Variants in RALGAPA2 observed in about 807,000 individuals in gnomAD.
The protein encoded by RALGAPA2 is Ral GTPase activating protein catalytic subunit alpha 2.
Under a neutral mutation model 230.4 loss-of-function variants are expected in RALGAPA2, and 139 were observed. That is an observed-to-expected ratio of 0.60 (90% confidence interval 0.53 to 0.69). The LOEUF (loss-of-function observed/expected upper bound fraction) is 0.69, where lower values mean the gene tolerates loss of function less well. Ranked by LOEUF, RALGAPA2 falls within the 30% of genes least tolerant of loss-of-function variation. The pLI is 0.00. For missense variants in RALGAPA2, 2,163 were observed against 2,276.0 expected, an observed-to-expected ratio of 0.95 and a Z score of 1.01; for synonymous variants, 847 against 837.8, an observed-to-expected ratio of 1.01 and a Z score of -0.19.
intron 19 of RALGAPA2, among the ~76,000 whole-genome samples, chr20:20,584,497 A>C (rs1439639700): frequency 2.0e-5 from 3 of 152,202 alleles, no homozygotes; most frequent in Non-Finnish European, 4.4e-5. Context: ...GTCCCATTTC[A>C]CAACCATTTC....
At chr20:20,669,883 A>C (rs1030472510) in intron 3 of RALGAPA2, among the ~76,000 whole-genome samples, 1 of 152,214 alleles carries the variant, frequency 6.6e-6, no homozygotes, top group Non-Finnish European at 1.5e-5. Flanking sequence ...TGAATCCAGA[A>C]GGTTCTCAAT....
At chr20:20,676,620 C>T (rs568867281) in intron 2 of RALGAPA2, among the ~76,000 whole-genome samples, 9 of 152,044 alleles carry the variant, frequency 5.9e-5, no homozygotes, top group East Asian at 1.9e-4. Context: ...ACAGCACAAA[C>T]GAAAAATTTC....
intron 2 of RALGAPA2, among the ~76,000 whole-genome samples, chr20:20,678,647 C>A (rs2068418084): frequency 6.6e-6 from 1 of 152,136 alleles, no homozygotes; most frequent in Non-Finnish European, 1.5e-5. Flanking sequence ...CTCCAGCTGA[C>A]CCACTCCTCA....
At chr20:20,543,567 C>A (rs2063705171) in intron 24 of RALGAPA2, among the ~76,000 whole-genome samples, 1 of 152,144 alleles carries the variant, frequency 6.6e-6, no homozygotes, top group Non-Finnish European at 1.5e-5. Flanking sequence ...AGGATGAGTT[C>A]ATGTCCTTTG....
Position 20,396,352 on chromosome 20 carries a change from C to G in RALGAPA2, c.*35+343G>C, listed in dbSNP as rs73607413. On this transcript the variant is annotated intron_variant, in intron 39 of 39. Coordinates refer to ENST00000202677, the MANE Select transcript of RALGAPA2 (RefSeq NM_020343.4). ...TATCGGCCCATCTCAAGACCCTGCT[C>G]CTTCAGGCCTGGGCAACAAAAAAGG... is the stretch of plus-strand genomic sequence containing the variant. Among the ~76,000 whole-genome samples, 7 of 152,390 alleles carry G rather than the reference C, an allele frequency of 4.6e-5. No homozygotes were observed. In the East Asian group the frequency reaches 1.3e-3, roughly 29 times the overall value.
intron 16 of RALGAPA2, among the ~76,000 whole-genome samples, chr20:20,595,997 A>C (rs922147503): frequency 3.3e-5 from 5 of 152,124 alleles, no homozygotes; most frequent in African/African-American, 9.7e-5. Flanking sequence ...AAACTGTAGA[A>C]CAGCTGGAAA....
At chr20:20,663,390 G>A (rs988865345) in intron 3 of RALGAPA2, among the ~76,000 whole-genome samples, 2 of 152,130 alleles carry the variant, frequency 1.3e-5, no homozygotes, top group Non-Finnish European at 2.9e-5. Flanking sequence ...TATATACACT[G>A]TGCACAAATT....
intron 12 of RALGAPA2, 30 bp downstream of exon 12, chr20:20,619,247 G>A: frequency 6.4e-7 from 1 of 1,565,686 alleles, no homozygotes; most frequent in Non-Finnish European, 8.7e-7. Flanking sequence ...AGGCGGTGGA[G>A]GGGTCTTCAT....
chr20:20,507,560 T>A (rs925027792), intron 33 of RALGAPA2, among the ~76,000 whole-genome samples: 1 of 152,234 alleles, frequency 6.6e-6, no homozygotes, highest in Admixed American at 6.5e-5. Context: ...TTTCGCCATG[T>A]TGGCCAGGCT....
chr20:20,626,257 G>A (rs1227555453), intron 10 of RALGAPA2, among the ~76,000 whole-genome samples: 1 of 152,128 alleles, frequency 6.6e-6, no homozygotes, highest in Non-Finnish European at 1.5e-5. Flanking sequence ...TTGACCAACA[G>A]AGCAATAAAA....
At chr20:20,573,414 G>A (rs2064713163) in intron 20 of RALGAPA2, among the ~76,000 whole-genome samples, 2 of 152,184 alleles carry the variant, frequency 1.3e-5, no homozygotes, top group Non-Finnish European at 2.9e-5. Flanking sequence ...CAATGCTGGA[G>A]TAACATCTGC....
At chr20:20,570,264 T>G (rs2064585079) in intron 23 of RALGAPA2, among the ~76,000 whole-genome samples, 1 of 152,208 alleles carries the variant, frequency 6.6e-6, no homozygotes, top group Admixed American at 6.5e-5. Context: ...TTCAATGATT[T>G]TTAAAGCTCA....
At chr20:20,426,921 A>T (rs2060395020) in intron 37 of RALGAPA2, among the ~76,000 whole-genome samples, 1 of 152,226 alleles carries the variant, frequency 6.6e-6, no homozygotes, top group African/African-American at 2.4e-5. Flanking sequence ...GCTCTATCTC[A>T]TTTAATCCTC....
chr20:20,397,666 C>G (rs184889607), intron 38 of RALGAPA2, among the ~76,000 whole-genome samples: 103 of 152,320 alleles, frequency 6.8e-4, no homozygotes, highest in Non-Finnish European at 1.2e-3. Flanking sequence ...CCCCCTCTGC[C>G]AAGGTTGCCA....
chr20:20,577,976 T>G (rs527472961), intron 20 of RALGAPA2, among the ~76,000 whole-genome samples: 1 of 152,108 alleles, frequency 6.6e-6, no homozygotes, highest in Non-Finnish European at 1.5e-5. Flanking sequence ...CCTGCACCTC[T>G]TTTCAACCTG....
At chr20:20,526,982 G>C (rs953827235) in intron 27 of RALGAPA2, among the ~76,000 whole-genome samples, 1 of 152,150 alleles carries the variant, frequency 6.6e-6, no homozygotes, top group African/African-American at 2.4e-5. Context: ...CACCAACAAG[G>C]GCTGGATGCT....
chr20:20,480,554 A>T (rs1169932041), intron 36 of RALGAPA2, among the ~76,000 whole-genome samples: 1 of 152,166 alleles, frequency 6.6e-6, no homozygotes, highest in East Asian at 1.9e-4. Context: ...AAGAAGATAC[A>T]GTGTTCTCAG....
intron 3 of RALGAPA2, among the ~76,000 whole-genome samples, chr20:20,654,283 G>A (rs1233127207): frequency 2.6e-5 from 4 of 152,124 alleles, no homozygotes; most frequent in Admixed American, 6.5e-5. Flanking sequence ...CTGCCTCCAC[G>A]GTTCAAGTGA....
In RALGAPA2 at chr20:20,690,162, A is replaced by G. The variant is rs59703010; in HGVS notation, c.107-9361T>C. Among the ~76,000 whole-genome samples, 486 of 152,178 alleles carry G rather than the reference A, an allele frequency of 3.2e-3. 2 individuals carry two copies. Among genetic ancestry groups the G allele is most frequent in the Middle Eastern group, 0.01 (3 of 294 alleles). The stretch of plus-strand genomic sequence containing the variant: ...AGTATTATACTTTCAATCTGCACCC[A>G]CTTTAGCATAAACATCACTGGAAAC... On this transcript the variant is annotated intron_variant, in intron 1 of 39. Coordinates refer to ENST00000202677, the MANE Select transcript of RALGAPA2 (RefSeq NM_020343.4).
Sources: allele counts gnomAD v4.1 joint callset (sites outside exome capture counted in the v4.1 genomes callset), GRCh38; gene constraint gnomAD v4.1.1; transcripts MANE v1.5; gene names NCBI Gene and HGNC (gene_info 2026-07-23, HGNC 2026-07-21).